Variants in ATP6V0A4 observed in about 807,000 individuals in gnomAD.
The protein encoded by ATP6V0A4 is V-type proton ATPase 116 kDa subunit a 4.
ATP6V0A4 carries 86 observed loss-of-function variants against 107.3 expected under a neutral mutation model. The observed-to-expected ratio is 0.80, with a 90% CI of 0.67 to 0.96. ATP6V0A4 has a LOEUF of 0.96. Among genes scored for constraint, ATP6V0A4 ranks in the 40% least tolerant of loss-of-function variants. The probability of loss-of-function intolerance (pLI) is 0.00; values close to 1 mark genes in which losing one functional copy is unlikely to be tolerated. For synonymous variants in ATP6V0A4, 353 were observed against 381.4 expected (o/e 0.93, Z 0.87); for missense variants, 908 against 1,045.6 (o/e 0.87, Z 1.81).
At chr7:138,792,502 C>T (rs1808461098) in intron 1 of ATP6V0A4, among the ~76,000 whole-genome samples, 1 of 152,032 alleles carries the variant, frequency 6.6e-6, no homozygotes, top group Non-Finnish European at 1.5e-5. Context: ...TGGAATAACC[C>T]AACAACTCAA....
chr7:138,758,681 C>T (rs1806628126), intron 8 of ATP6V0A4, among the ~76,000 whole-genome samples: 1 of 147,176 alleles, frequency 6.8e-6, no homozygotes, highest in South Asian at 2.2e-4. Context: ...CATCAGCATT[C>T]TCTGGGAGTT....
chr7:138,741,139 G>A (rs942853208), intron 14 of ATP6V0A4, among the ~76,000 whole-genome samples: 3 of 152,010 alleles, frequency 2.0e-5, no homozygotes, highest in East Asian at 1.9e-4. Context: ...GCAAGACTCC[G>A]TCTACAAAAA....
chr7:138,718,463 G>A (rs1342536805), intron 19 of ATP6V0A4, among the ~76,000 whole-genome samples: 1 of 101,884 alleles, frequency 9.8e-6, no homozygotes, highest in East Asian at 3.4e-4. Context: ...AGGAAGGAAT[G>A]GGGGGGATGG....
At position 138,721,884 on chromosome 7, in the gene ATP6V0A4, T is replaced by A; in HGVS notation, c.2139+13A>T. The A allele has an allele frequency of 6.2e-7, 1 of 1,613,966 alleles. No homozygotes were observed. The highest frequency in any genetic ancestry group is 8.5e-7 in the Non-Finnish European group (1 of 1,179,904). On this transcript the variant is annotated intron_variant, in intron 19 of 21. Transcript: ENST00000310018. Reference sequence around the variant, plus strand: ...ACTGGGGAGTCTTCCTCAGGGGCTCTCGTCCCAGATACCTCTTCTCCATGG... The same window carrying A: ...ACTGGGGAGTCTTCCTCAGGGGCTCACGTCCCAGATACCTCTTCTCCATGG...
At position 138,756,123 on chromosome 7, in the gene ATP6V0A4, A is replaced by G. The variant is rs1047571978; in HGVS notation, c.722+335T>C. 8 of 516,198 alleles carry G rather than the reference A, an allele frequency of 1.5e-5. No homozygotes were observed. In the Admixed American group the frequency reaches 2.3e-4, roughly 15 times the overall value. 32.0% of individuals were successfully genotyped at this position (516,198 alleles called of 1,614,324 possible). Reference sequence around the variant, plus strand: ...TCTGCACTGAGTCATTTCTGCTTCTATGGAGCTACATGTAACACGATTCTG... The same window carrying G: ...TCTGCACTGAGTCATTTCTGCTTCTGTGGAGCTACATGTAACACGATTCTG... On this transcript the variant is annotated intron_variant, in intron 9 of 21. Coordinates refer to ENST00000310018, the MANE Select transcript of ATP6V0A4 (RefSeq NM_020632.3).
intron 2 of ATP6V0A4, among the ~76,000 whole-genome samples, chr7:138,774,933 G>C (rs779616965): frequency 6.6e-6 from 1 of 151,954 alleles, no homozygotes; most frequent in African/African-American, 2.4e-5. Context: ...TCCTTTGGAG[G>C]GGTCTTGTCT....
intron 15 of ATP6V0A4, among the ~76,000 whole-genome samples, chr7:138,738,028 C>T (rs1249047548): frequency 6.6e-6 from 1 of 151,734 alleles, no homozygotes; most frequent in African/African-American, 2.4e-5. Flanking sequence ...TCCCAAAGTG[C>T]TGGGATTACA....
At chr7:138,726,850 C>G (rs1233641540) in intron 18 of ATP6V0A4, among the ~76,000 whole-genome samples, 1 of 151,970 alleles carries the variant, frequency 6.6e-6, no homozygotes, top group East Asian at 1.9e-4. Flanking sequence ...CTAGGAAAAC[C>G]CTCTCTCCCT....
chr7:138,762,932 A>G lies in ATP6V0A4; in HGVS notation c.385T>C (p.Tyr129His), dbSNP rs1353689346. The G allele has an allele frequency of 3.1e-6, 5 of 1,613,950 alleles. No individual in the cohort carries two copies. Among genetic ancestry groups the G allele is most frequent in the Non-Finnish European group, 4.2e-6 (5 of 1,180,022 alleles). ...AAGTCTTGGGTTTTCTTCAGGAGGT[A>G]TTTCAGTTCTGTCAGTTCTAGGAAG... The part of the protein sequence containing the change: ...QSFLELTELK[Y>H]LLKKTQDFFE... Residue 129 changes from tyrosine to histidine, a missense_variant, in exon 6 of 22, where the codon TAC becomes CAC. Coordinates refer to ENST00000310018, the MANE Select transcript of ATP6V0A4 (RefSeq NM_020632.3).
chr7:138,741,640 G>A (rs751191922), intron 14 of ATP6V0A4, among the ~76,000 whole-genome samples: 6 of 152,154 alleles, frequency 3.9e-5, no homozygotes, highest in Non-Finnish European at 7.3e-5. Flanking sequence ...CCACAAAAAT[G>A]ACCCAACATC....
At chr7:138,779,280 C>T (rs1318868465) in intron 2 of ATP6V0A4, among the ~76,000 whole-genome samples, 5 of 151,064 alleles carry the variant, frequency 3.3e-5, no homozygotes, top group Non-Finnish European at 7.4e-5. Context: ...CTGGGGAGGT[C>T]GAGGCTGCAG....
At chr7:138,747,331 T>A in intron 13 of ATP6V0A4, 94 bp downstream of exon 13, 1 of 1,489,664 alleles carries the variant, frequency 6.7e-7, no homozygotes, top group Admixed American at 1.7e-5. Context: ...CTCCTTTATT[T>A]TTCATAAAAA....
intron 18 of ATP6V0A4, 132 bp downstream of exon 18, chr7:138,728,629 G>T: frequency 8.2e-7 from 1 of 1,222,076 alleles, no homozygotes. Context: ...CATACTCAGG[G>T]CGGGTCAGTT....
intron 19 of ATP6V0A4, 101 bp from the exon 20 acceptor site, chr7:138,715,982 G>C (rs1804015503): frequency 6.7e-7 from 1 of 1,490,426 alleles, no homozygotes; most frequent in Admixed American, 1.7e-5. Flanking sequence ...TTGCTGTTCA[G>C]ACACTTTCAG....
chr7:138,771,141 T>C lies in ATP6V0A4; in HGVS notation c.107A>G (p.Gln36Arg). Residue 36 changes from glutamine (Q) to arginine (R), a missense_variant, in exon 3 of 22, where the codon CAG becomes CGG. By Grantham distance (43) the Gln-to-Arg change is conservative. Coordinates refer to ENST00000310018, the MANE Select transcript of ATP6V0A4 (RefSeq NM_020632.3). Reference sequence around the variant, plus strand: ...GAACTCAGTACCTACATCTTTGAACTGAACCAATCCGAGCTCTCCGAGCTC... The same window carrying C: ...GAACTCAGTACCTACATCTTTGAACCGAACCAATCCGAGCTCTCCGAGCTC... ...VAELGELGLV[Q>R]FKDLNMNVNS... 6.2e-7 allele frequency: 1 copy of C among 1,614,148 alleles called. No individual in the cohort carries two copies. Among genetic ancestry groups the C allele is most frequent in the Non-Finnish European group, 8.5e-7 (1 of 1,180,010 alleles).
intron 5 of ATP6V0A4, among the ~76,000 whole-genome samples, chr7:138,765,229 C>T (rs1478240965): frequency 2.0e-5 from 3 of 152,134 alleles, no homozygotes; most frequent in African/African-American, 2.4e-5. Flanking sequence ...ATCCTATCCG[C>T]CCATCATCCA....
chr7:138,723,793 T>C (rs941379863), intron 18 of ATP6V0A4, among the ~76,000 whole-genome samples: 1 of 151,952 alleles, frequency 6.6e-6, no homozygotes, highest in Non-Finnish European at 1.5e-5. Flanking sequence ...CCCAAAGTGC[T>C]ACGATTACAG....
At chr7:138,716,579 G>T (rs75978888) in intron 19 of ATP6V0A4, among the ~76,000 whole-genome samples, 2 of 135,256 alleles carry the variant, frequency 1.5e-5, no homozygotes, top group Non-Finnish European at 3.3e-5. Flanking sequence ...TTTTTTTGGG[G>T]GGGGGGGAGG....
chr7:138,781,155 G>A (rs183551737), intron 2 of ATP6V0A4, among the ~76,000 whole-genome samples: 129 of 152,328 alleles, frequency 8.5e-4, no homozygotes, highest in African/African-American at 2.2e-3. Flanking sequence ...CAAGGCTAGA[G>A]AGTTGATATT....
Sources: gnomAD v4.1 joint callset for allele counts (sites outside exome capture counted in the v4.1 genomes callset) on GRCh38, gnomAD v4.1.1 for gene constraint, MANE v1.5 for transcripts, NCBI Gene and HGNC (gene_info 2026-07-23, HGNC 2026-07-21) for gene names.